The following CSMD1 variants were observed in gnomAD, a reference collection of about 807,000 sequenced individuals.
The protein encoded by CSMD1 is CUB and Sushi multiple domains 1, also known as CUB and sushi domain-containing protein 1.
CSMD1 carries 213 observed loss-of-function variants against 417.5 expected under a neutral mutation model. That is an observed-to-expected ratio of 0.51 (90% CI 0.46 to 0.57). The LOEUF (loss-of-function observed/expected upper bound fraction) is 0.57. Ranked by LOEUF, CSMD1 falls within the 20% of genes least tolerant of loss-of-function variation. The pLI, the probability that CSMD1 is intolerant of heterozygous loss-of-function variation, is 0.00. For synonymous variants in CSMD1, 2,862 were observed against 1,736.8 expected (o/e 1.65, Z -16.11); for missense variants, 6,923 against 4,529.7 (o/e 1.53, Z -15.17).
chr8:3,542,940 G>C (rs1798501687), intron 10 of CSMD1, among the ~76,000 whole-genome samples: 1 of 150,492 alleles, frequency 6.6e-6, no homozygotes, highest in Non-Finnish European at 1.5e-5. Flanking sequence ...CCTGAGACTT[G>C]GGGGACCCGC....
intron 7 of CSMD1, among the ~76,000 whole-genome samples, chr8:3,672,211 G>C (rs1031079651): frequency 2.6e-5 from 4 of 152,060 alleles, no homozygotes; most frequent in African/African-American, 9.7e-5. Context: ...ACTGAGTATG[G>C]CCTGATTTGT....
rs547947725 is a variant in CSMD1, at chr8:4,725,037, C to A, written c.86-87479G>T. 2.5e-4 allele frequency among the ~76,000 whole-genome samples: 38 copies of A among 152,114 alleles called. No individual in the cohort carries two copies. In the South Asian group the frequency reaches 7.9e-3, roughly 32 times the overall value. Reference sequence around the variant, plus strand: ...CACGTTTTAAATATTTATACTTTTGCTATTTTAAACATAAAAGGGGAAATG... The same window carrying A: ...CACGTTTTAAATATTTATACTTTTGATATTTTAAACATAAAAGGGGAAATG... On this transcript the variant is annotated intron_variant, in intron 1 of 69. Transcript: ENST00000635120.
At chr8:3,321,761 C>G (rs527945038) in intron 23 of CSMD1, among the ~76,000 whole-genome samples, 1 of 152,196 alleles carries the variant, frequency 6.6e-6, no homozygotes, top group Non-Finnish European at 1.5e-5. Context: ...TATAAAAACA[C>G]AAAGTTAACT....
chr8:3,278,585 T>A (rs1271549376), intron 26 of CSMD1: 1 of 152,190 alleles, frequency 6.6e-6, no homozygotes, highest in Non-Finnish European at 1.5e-5. Context: ...CTAATTCCAA[T>A]GTTTTAAATT....
intron 2 of CSMD1, among the ~76,000 whole-genome samples, chr8:4,535,296 A>G (rs1797048367): frequency 6.6e-6 from 1 of 152,166 alleles, no homozygotes. Flanking sequence ...GAAGTCAATT[A>G]TTTGTTATCT....
intron 1 of CSMD1, among the ~76,000 whole-genome samples, chr8:4,791,892 G>T (rs1797711001): frequency 6.6e-6 from 1 of 151,402 alleles, no homozygotes; most frequent in African/African-American, 2.4e-5. Context: ...AGCAACAATT[G>T]GTTCATCTTA....
At chr8:3,052,314 A>C in intron 50 of CSMD1, 148 bp downstream of exon 50, 1 of 591,578 alleles carries the variant, frequency 1.7e-6, no homozygotes, top group South Asian at 2.4e-5. Context: ...TATGAAATAC[A>C]TTGGTTTTAA....
At chr8:3,876,663 G>C (rs1805845966) in intron 5 of CSMD1, among the ~76,000 whole-genome samples, 1 of 152,192 alleles carries the variant, frequency 6.6e-6, no homozygotes, top group East Asian at 1.9e-4. Context: ...GGGGTGAAGT[G>C]CAGTGGTGCT....
chr8:4,116,470 G>T (rs946218739), intron 3 of CSMD1, among the ~76,000 whole-genome samples: 1 of 133,328 alleles, frequency 7.5e-6, no homozygotes, highest in Non-Finnish European at 1.6e-5. Flanking sequence ...GAACAAACGC[G>T]CCATGAATGA....
intron 10 of CSMD1, among the ~76,000 whole-genome samples, chr8:3,496,357 G>C (rs1368018933): frequency 6.6e-6 from 1 of 152,122 alleles, no homozygotes; most frequent in Non-Finnish European, 1.5e-5. Context: ...TGTAAGGATT[G>C]AGGGCAGACA....
intron 3 of CSMD1, among the ~76,000 whole-genome samples, chr8:4,157,341 AT>A (rs1796891125): frequency 6.6e-6 from 1 of 152,160 alleles, no homozygotes; most frequent in African/African-American, 2.4e-5. Context: ...AGCCCAAGAT[AT>A]TTACCATCAT....
chr8:3,403,439 A>G (rs1387499083), intron 15 of CSMD1, among the ~76,000 whole-genome samples: 1 of 152,152 alleles, frequency 6.6e-6, no homozygotes, highest in African/African-American at 2.4e-5. Context: ...GCACTCAGTC[A>G]TTAGGTTTCT....
At chr8:3,817,723 A>G (rs900946262) in intron 5 of CSMD1, among the ~76,000 whole-genome samples, 4 of 152,188 alleles carry the variant, frequency 2.6e-5, no homozygotes, top group Non-Finnish European at 5.9e-5. Flanking sequence ...GAGTTTCAGA[A>G]TAAAGAGCTA....
intron 1 of CSMD1, among the ~76,000 whole-genome samples, chr8:4,665,996 T>C (rs960494126): frequency 6.6e-6 from 1 of 152,204 alleles, no homozygotes; most frequent in Non-Finnish European, 1.5e-5. Flanking sequence ...GCATGAACTC[T>C]GCATCGGCAG....
At chr8:4,737,404 C>A (rs115183236) in intron 1 of CSMD1, among the ~76,000 whole-genome samples, 2 of 151,980 alleles carry the variant, frequency 1.3e-5, no homozygotes, top group African/African-American at 4.8e-5. Context: ...GGTTTAATAT[C>A]TGGGTGATGA....
intron 2 of CSMD1, among the ~76,000 whole-genome samples, chr8:4,518,078 C>G (rs1185736697): frequency 6.6e-6 from 1 of 152,152 alleles, no homozygotes; most frequent in Non-Finnish European, 1.5e-5. Context: ...TTTCAAATGT[C>G]TAATATCATC....
chr8:4,481,836 G>A (rs577658885), intron 2 of CSMD1, among the ~76,000 whole-genome samples: 18 of 152,242 alleles, frequency 1.2e-4, no homozygotes, highest in South Asian at 8.3e-4. Flanking sequence ...CAGGAGGTAG[G>A]TACTCCACCT....
chr8:3,242,127 T>C (rs1799576270), intron 26 of CSMD1, among the ~76,000 whole-genome samples: 1 of 151,612 alleles, frequency 6.6e-6, no homozygotes, highest in Non-Finnish European at 1.5e-5. Flanking sequence ...ACTATGCCTT[T>C]AGCTCCAGCC....
Position 3,289,363 on chromosome 8 carries a change from A to C in CSMD1, c.3951-5017T>G, listed in dbSNP as rs997524244. Among the ~76,000 whole-genome samples the C allele has an allele frequency of 7.1e-4, 105 of 147,420 alleles. 16 individuals carry two copies. The highest frequency in any genetic ancestry group is 2.8e-3 in the African/African-American group (103 of 37,168). On this transcript the variant is annotated intron_variant, in intron 25 of 69. Coordinates refer to ENST00000635120, the MANE Select transcript of CSMD1 (RefSeq NM_033225.6). The stretch of plus-strand genomic sequence containing the variant: ...ACCCAGTAATGGGATGGCTGGGTCA[A>C]ATGGTATTTCTAGTTCTAGATCCCT...
Sources: allele counts gnomAD v4.1 joint callset (sites outside exome capture counted in the v4.1 genomes callset), GRCh38; gene constraint gnomAD v4.1.1; transcripts MANE v1.5; gene names NCBI Gene and HGNC (gene_info 2026-07-23, HGNC 2026-07-21).